The following FAM153A variants were observed in gnomAD, a reference collection of about 807,000 sequenced individuals.
FAM153A encodes the protein family with sequence similarity 153 member A.
FAM153A carries 12 observed loss-of-function variants against 48.1 expected under a neutral mutation model. The ratio of observed to expected loss-of-function variants is 0.25; its 90% CI spans 0.16 to 0.40. The LOEUF (loss-of-function observed/expected upper bound fraction) is 0.40, where lower values mean the gene tolerates loss of function less well. Among genes scored for constraint, FAM153A ranks in the 10% least tolerant of loss-of-function variants. The pLI is 1.00. For synonymous variants in FAM153A, 36 were observed against 118.2 expected (o/e 0.30, Z 4.51); for missense variants, 111 against 345.8 (o/e 0.32, Z 5.38).
At chr5:177,710,350 G>A (rs1446914759), downstream of FAM153A, among the ~76,000 whole-genome samples, 1 of 151,516 alleles carries the variant, frequency 6.6e-6, no homozygotes, top group Admixed American at 6.6e-5. Flanking sequence ...GACCTCAGGT[G>A]ATTCTCCTAT....
intron 12 of FAM153A, among the ~76,000 whole-genome samples, chr5:177,735,218 C>A (rs1764522612): frequency 6.7e-6 from 1 of 149,808 alleles, no homozygotes; most frequent in African/African-American, 2.5e-5. Context: ...TTATTGATCC[C>A]TGACAAAGTC....
At chr5:177,717,914 GA>G (rs1171603693), downstream of FAM153A, among the ~76,000 whole-genome samples, 1 of 49,288 alleles carries the variant, frequency 2.0e-5, no homozygotes, top group Non-Finnish European at 3.7e-5. Context: ...CAAAGTAAAA[GA>G]ATAGAGAGAC....
chr5:177,765,534 C>T (rs1251164691), intron 1 of FAM153A, among the ~76,000 whole-genome samples: 4 of 117,012 alleles, frequency 3.4e-5, no homozygotes, highest in African/African-American at 6.3e-5. Context: ...GGCTGGCTAT[C>T]GTGTGGATGG....
chr5:177,751,400 G>A (rs532792171), intron 1 of FAM153A, among the ~76,000 whole-genome samples: 2 of 142,768 alleles, frequency 1.4e-5, no homozygotes, highest in East Asian at 2.1e-4. Flanking sequence ...AATGGCCTAC[G>A]TTATGTTAAA....
At chr5:177,699,682 A>G in the FAM153A span, among the ~76,000 whole-genome samples, 1 of 152,264 alleles carries the variant, frequency 6.6e-6, no homozygotes, top group African/African-American at 2.4e-5. Flanking sequence ...TGAAAGATGT[A>G]TAACAAGAAA....
In FAM153A at chr5:177,760,007, T is replaced by C. The variant is rs187578505; in HGVS notation, c.-56-11308A>G. ...AAAAAAAACTGCATTAACATAGATG[T>C]TGCATTTTTTTTCAGGAATTATCTA... On this transcript the variant is annotated intron_variant, in intron 1 of 8. Coordinates refer to the FAM153A transcript ENST00000393518. Among the ~76,000 whole-genome samples the C allele has an allele frequency of 2.8e-3, 407 of 146,998 alleles. 19 individuals are homozygous for C. The highest frequency in any genetic ancestry group is 0.024 in the Admixed American group (359 of 14,880).
intron 1 of FAM153A, among the ~76,000 whole-genome samples, chr5:177,761,236 G>A (rs1768284580): frequency 6.6e-6 from 1 of 151,638 alleles, no homozygotes; most frequent in African/African-American, 2.4e-5. Flanking sequence ...CAGCTTTTGC[G>A]GAGTTCATCA....
At chr5:177,736,937 G>A (rs1277356676) in intron 11 of FAM153A, 105 bp downstream of exon 13, 1 of 1,045,752 alleles carries the variant, frequency 9.6e-7, no homozygotes, top group Non-Finnish European at 1.3e-6. Context: ...AATTCTGTCA[G>A]TCACCTATAG....
chr5:177,782,284 C>G (rs1309627547), upstream of FAM153A: 1 of 108,670 alleles, frequency 9.2e-6, no homozygotes, highest in Non-Finnish European at 2.0e-5. Flanking sequence ...GCGGGGAAGC[C>G]GGGCCTGGGG....
intron 4 of FAM153A, among the ~76,000 whole-genome samples, chr5:177,746,720 C>T (rs1766073649): frequency 6.6e-6 from 1 of 151,138 alleles, no homozygotes; most frequent in Non-Finnish European, 1.5e-5. Flanking sequence ...AATGGGACAG[C>T]CCTTCATGGG....
the FAM153A span, among the ~76,000 whole-genome samples, chr5:177,701,570 AATAG>A: frequency 1.4e-5 from 2 of 142,022 alleles, no homozygotes; most frequent in African/African-American, 5.3e-5. Context: ...CTCAAAAATA[AATAG>A]ATAAATTTTA....
At chr5:177,711,925 T>A (rs892327768) in exon 27 of FAM153A, 1 of 151,928 alleles carries the variant, frequency 6.6e-6, no homozygotes, top group African/African-American at 2.4e-5. Flanking sequence ...GTTCTGCCAT[T>A]ACTGTTACAA....
rs1322695431 is a variant in FAM153A at position 177,740,469 on chromosome 5, TC to T, written c.466+307del. The T allele has an allele frequency of 3.8e-5, 4 of 105,804 alleles. 1 individual carries two copies. Among genetic ancestry groups the T allele is most frequent in the African/African-American group, 6.7e-5 (2 of 29,924 alleles). 6.6% of individuals were successfully genotyped at this position (105,804 alleles called of 1,614,324 possible). On this transcript the variant is annotated intron_variant, in intron 8 of 20. Coordinates refer to ENST00000614127, the Ensembl canonical transcript of FAM153A. ...GACACCAGAATAACACCCCAATTCT[TC>T]CTTGAGCTCTTATTCTGCACTGTGT...
chr5:177,703,617 G>A (rs1445472404), downstream of FAM153A, among the ~76,000 whole-genome samples: 12 of 143,842 alleles, frequency 8.3e-5, no homozygotes, highest in South Asian at 4.7e-4. Context: ...ATGGTGGGGG[G>A]TGATTGGACC....
chr5:177,768,799 G>A (rs1189178925), intron 1 of FAM153A, among the ~76,000 whole-genome samples: 3 of 110,164 alleles, frequency 2.7e-5, no homozygotes, highest in East Asian at 2.6e-4. Flanking sequence ...CTGTCCACCC[G>A]TTAGTCATCA....
the FAM153A span, among the ~76,000 whole-genome samples, chr5:177,696,345 C>A: frequency 7.0e-6 from 1 of 141,922 alleles, no homozygotes; most frequent in African/African-American, 2.7e-5. Context: ...GATGGGCGGC[C>A]GGGCAGAGGC....
At chr5:177,767,964 T>G (rs1305402758) in intron 1 of FAM153A, among the ~76,000 whole-genome samples, 1 of 82,802 alleles carries the variant, frequency 1.2e-5, no homozygotes, top group Non-Finnish European at 2.4e-5. Context: ...TCACACTCTA[T>G]CTGCAGATAG....
chr5:177,708,917 AC>A (rs1223939085), downstream of FAM153A, among the ~76,000 whole-genome samples: 5 of 150,830 alleles, frequency 3.3e-5, no homozygotes, highest in African/African-American at 1.2e-4. Flanking sequence ...ACATGGTAAA[AC>A]CCCGTCTCTA....
chr5:177,713,137 A>C (rs1184113880), exon 27 of FAM153A: 1 of 152,038 alleles, frequency 6.6e-6, no homozygotes, highest in Admixed American at 6.6e-5. Context: ...TTTCACACTG[A>C]AGTCCAAATG....
Sources: allele counts gnomAD v4.1 joint callset (sites outside exome capture counted in the v4.1 genomes callset), GRCh38; gene constraint gnomAD v4.1.1; transcripts MANE v1.5; gene names NCBI Gene and HGNC (gene_info 2026-07-23, HGNC 2026-07-21).